ABHD17B: variants seen among roughly 807,000 people sequenced by gnomAD.
ABHD17B encodes the protein alpha/beta hydrolase domain-containing protein 17B.
Under a neutral mutation model 26.2 loss-of-function variants are expected in ABHD17B, and 9 were observed. The observed-to-expected ratio is 0.34, with a 90% CI of 0.21 to 0.60. The LOEUF (loss-of-function observed/expected upper bound fraction) is 0.60. Ranked by LOEUF, ABHD17B falls within the 20% of genes least tolerant of loss-of-function variation. The pLI is 0.80. For missense variants in ABHD17B, 224 were observed against 352.1 expected, an observed-to-expected ratio of 0.64 and a Z score of 2.91; for synonymous variants, 127 against 122.3, an observed-to-expected ratio of 1.04 and a Z score of -0.25.
chr9:71,901,779 T>C (rs1382124300), intron 1 of ABHD17B, among the ~76,000 whole-genome samples: 1 of 152,204 alleles, frequency 6.6e-6, no homozygotes, highest in Non-Finnish European at 1.5e-5. Flanking sequence ...GCCACATTTT[T>C]AGCTCAACGA....
chr9:71,862,755 T>C (rs1454841833), downstream of ABHD17B: 3 of 577,948 alleles, frequency 5.2e-6, no homozygotes, highest in African/African-American at 1.9e-5. Flanking sequence ...ACATGATAAT[T>C]GCTGTCAGTC....
At chr9:71,875,723 G>C (rs1212616382) in intron 1 of ABHD17B, among the ~76,000 whole-genome samples, 1 of 152,162 alleles carries the variant, frequency 6.6e-6, no homozygotes, top group Non-Finnish European at 1.5e-5. Context: ...CTTTAGTGTA[G>C]TCTGTAATTT....
chr9:71,903,510 G>A (rs1827201875), intron 1 of ABHD17B, among the ~76,000 whole-genome samples: 1 of 152,182 alleles, frequency 6.6e-6, no homozygotes, highest in African/African-American at 2.4e-5. Flanking sequence ...TCCTTCAACT[G>A]CAAGATGATA....
chr9:71,884,831 T>C (rs1826558489), intron 1 of ABHD17B, among the ~76,000 whole-genome samples: 1 of 152,024 alleles, frequency 6.6e-6, no homozygotes, highest in South Asian at 2.1e-4. Context: ...ATGAATGAGT[T>C]AGTAAATTAT....
chr9:71,883,971 T>G (rs1055420736), intron 1 of ABHD17B, among the ~76,000 whole-genome samples: 19 of 152,052 alleles, frequency 1.2e-4, no homozygotes. Context: ...TAAATGTCCT[T>G]TTTTGGATGA....
chr9:71,863,744 T>C (rs1412582352), downstream of ABHD17B, among the ~76,000 whole-genome samples: 2 of 152,214 alleles, frequency 1.3e-5, no homozygotes, highest in East Asian at 3.9e-4. Context: ...TGTGTAATTT[T>C]CACCCAGTCC....
At chr9:71,893,812 G>A (rs1196166823) in intron 1 of ABHD17B, among the ~76,000 whole-genome samples, 4 of 152,106 alleles carry the variant, frequency 2.6e-5, no homozygotes, top group Non-Finnish European at 5.9e-5. Context: ...TTCACTGGCC[G>A]GGCGCGGTGG....
At chr9:71,896,681 AACACAC>A (rs147044015) in intron 1 of ABHD17B, among the ~76,000 whole-genome samples, 3 of 147,598 alleles carry the variant, frequency 2.0e-5, no homozygotes, top group Non-Finnish European at 4.5e-5. Flanking sequence ...CTTCTACCAA[AACACAC>A]ACACACACAC....
Position 71,909,550 on chromosome 9 carries a change from T to G in ABHD17B, c.-4+1084A>C, listed in dbSNP as rs139242797. Among the ~76,000 whole-genome samples the G allele has an allele frequency of 9.5e-4, 145 of 152,308 alleles. 1 individual carries two copies. The highest frequency in any genetic ancestry group is 3.4e-3 in the African/African-American group (141 of 41,564). ...AATTTCCCTGTTAATCTAAACAGATTAACGTTATTACAACATGTATCTGGC... is the reference window on the plus strand; with the variant it reads ...AATTTCCCTGTTAATCTAAACAGATGAACGTTATTACAACATGTATCTGGC... On this transcript the variant is annotated intron_variant, in intron 1 of 3. Coordinates refer to ENST00000333421, the MANE Select transcript of ABHD17B (RefSeq NM_001025780.3).
At chr9:71,903,120 A>G (rs1827190172) in intron 1 of ABHD17B, among the ~76,000 whole-genome samples, 1 of 152,182 alleles carries the variant, frequency 6.6e-6, no homozygotes, top group African/African-American at 2.4e-5. Flanking sequence ...CTGATAAGCC[A>G]TAATTTTAAA....
downstream of ABHD17B, chr9:71,865,017 GA>G (rs1464854517): frequency 3.5e-6 from 1 of 287,338 alleles, no homozygotes; most frequent in Non-Finnish European, 5.2e-6. Context: ...TCTTGAGAAA[GA>G]AAGACCTCTC....
intron 3 of ABHD17B, 49 bp downstream of exon 3, chr9:71,870,030 GAAAA>G: frequency 2.0e-6 from 3 of 1,506,906 alleles, no homozygotes; most frequent in Non-Finnish European, 1.8e-6. Flanking sequence ...TTTAAATGAT[GAAAA>G]AATTCCCAAG....
chr9:71,892,683 G>GAA (rs1480023605), intron 1 of ABHD17B, among the ~76,000 whole-genome samples: 1 of 151,160 alleles, frequency 6.6e-6, no homozygotes, highest in Non-Finnish European at 1.5e-5. Flanking sequence ...TAAGGTGGGG[G>GAA]AAGTGCAGAG....
chr9:71,871,123 T>A (rs932697125), intron 2 of ABHD17B, among the ~76,000 whole-genome samples: 7 of 152,174 alleles, frequency 4.6e-5, no homozygotes, highest in African/African-American at 1.7e-4. Flanking sequence ...ATAGTGACAT[T>A]AAATACACCT....
intron 1 of ABHD17B, among the ~76,000 whole-genome samples, chr9:71,892,406 G>A (rs1299791603): frequency 4.0e-5 from 6 of 151,874 alleles, no homozygotes; most frequent in African/African-American, 7.2e-5. Context: ...GGTGGCGGGC[G>A]CCTGTAGTCC....
At chr9:71,876,609 GA>G (rs1181302775) in intron 1 of ABHD17B, among the ~76,000 whole-genome samples, 2,330 of 117,256 alleles carry the variant, frequency 0.02, 41 homozygotes, top group African/African-American at 0.058. Context: ...TCTCCAAAAA[GA>G]AAAAAAAAAA....
chr9:71,904,807 GAACT>G (rs1827237111), intron 1 of ABHD17B, among the ~76,000 whole-genome samples: 1 of 152,048 alleles, frequency 6.6e-6, no homozygotes, highest in African/African-American at 2.4e-5. Context: ...GGGATATTAA[GAACT>G]AAAAACAATT....
At chr9:71,870,873 C>A (rs1826091438) in intron 2 of ABHD17B, among the ~76,000 whole-genome samples, 1 of 152,222 alleles carries the variant, frequency 6.6e-6, no homozygotes, top group Non-Finnish European at 1.5e-5. Context: ...CCAAACACCA[C>A]ATGGTCCAAT....
intron 1 of ABHD17B, among the ~76,000 whole-genome samples, chr9:71,899,678 C>T (rs1037882141): frequency 2.0e-5 from 3 of 152,114 alleles, no homozygotes; most frequent in East Asian, 3.8e-4. Context: ...GAGCTCTATG[C>T]CCCCTACTGC....
Sources: allele counts gnomAD v4.1 joint callset (sites outside exome capture counted in the v4.1 genomes callset), GRCh38; gene constraint gnomAD v4.1.1; transcripts MANE v1.5; gene names NCBI Gene and HGNC (gene_info 2026-07-23, HGNC 2026-07-21).